The following PSME4 variants were observed in gnomAD, a reference collection of about 807,000 sequenced individuals.
PSME4 encodes proteasome activator complex subunit 4.
PSME4 carries 89 observed loss-of-function variants against 253.9 expected under a neutral mutation model. That is an observed-to-expected ratio of 0.35 (90% confidence interval 0.30 to 0.42). PSME4 has a LOEUF of 0.42. Ranked by LOEUF, PSME4 falls within the 10% of genes least tolerant of loss-of-function variation. The probability of loss-of-function intolerance (pLI) is 1.00; values close to 1 mark genes in which losing one functional copy is unlikely to be tolerated. For synonymous variants in PSME4, 851 were observed against 759.2 expected (o/e 1.12, Z -1.99); for missense variants, 2,014 against 2,195.2 (o/e 0.92, Z 1.65).
intron 10 of PSME4, among the ~76,000 whole-genome samples, chr2:53,930,286 A>G (rs1668763787): frequency 6.6e-6 from 1 of 152,150 alleles, no homozygotes; most frequent in Non-Finnish European, 1.5e-5. Flanking sequence ...TTAGCTCACT[A>G]TTCATAATTA....
chr2:53,928,489 A>G (rs1311259604), intron 10 of PSME4, among the ~76,000 whole-genome samples, 186 bp from the exon 11 acceptor site: 1 of 150,946 alleles, frequency 6.6e-6, no homozygotes, highest in African/African-American at 2.4e-5. Context: ...TAGTTTCCGT[A>G]GTTTCAGTTA....
intron 2 of PSME4, 39 bp from the exon 3 acceptor site, chr2:53,948,576 T>G: frequency 1.7e-6 from 2 of 1,154,580 alleles, no homozygotes; most frequent in Non-Finnish European, 2.6e-6. Context: ...TGTATGCATA[T>G]GTGCACAGAT....
At position 53,899,907 on chromosome 2, in the gene PSME4, T is replaced by G; in HGVS notation, c.3396A>C (p.Gln1132His). The change falls in exon 29 of 47, where the codon CAA becomes CAC. Residue 1132 changes from glutamine (Q) to histidine (H), a missense_variant. This residue lies in a region of PSME4 where 989 missense variants were observed against 1,021.1 expected (regional missense o/e 0.97). Coordinates refer to ENST00000404125, the MANE Select transcript of PSME4 (RefSeq NM_014614.3). ...TTAGGGCATCGGCATTCTTTTCCTG[T>G]TGGCGTTTAATTCCTTCCTTAATTT... ...PEKIKEGIKR[Q>H]QEKNADALRN... The G allele has an allele frequency of 6.2e-7, 1 of 1,613,638 alleles. No homozygotes were observed. The highest frequency in any genetic ancestry group is 8.5e-7 in the Non-Finnish European group (1 of 1,179,610).
chr2:53,877,551 G>T (rs1558646055), intron 41 of PSME4, among the ~76,000 whole-genome samples: 1 of 152,200 alleles, frequency 6.6e-6, no homozygotes, highest in Non-Finnish European at 1.5e-5. Context: ...TTAAGGAAAA[G>T]TTTATTCAGC....
At chr2:53,897,167 G>GTTTTTTT (rs1056577962) in intron 31 of PSME4, among the ~76,000 whole-genome samples, 1 of 122,196 alleles carries the variant, frequency 8.2e-6, no homozygotes, top group Non-Finnish European at 1.7e-5. Context: ...TAGCCTCAGG[G>GTTTTTTT]TTTTTTTTTT....
At chr2:53,940,396 G>T (rs935365987) in intron 3 of PSME4, among the ~76,000 whole-genome samples, 6 of 152,018 alleles carry the variant, frequency 3.9e-5, no homozygotes, top group African/African-American at 1.4e-4. Flanking sequence ...CAAAATCTGG[G>T]TGTTTCCATC....
intron 36 of PSME4, among the ~76,000 whole-genome samples, 170 bp downstream of exon 36, chr2:53,892,638 G>T (rs1169702139): frequency 6.6e-6 from 1 of 152,000 alleles, no homozygotes; most frequent in Non-Finnish European, 1.5e-5. Context: ...TGTTCCTAGA[G>T]ACCATTAGGC....
At chr2:53,922,410 C>T in intron 17 of PSME4, 107 bp downstream of exon 17, 1 of 1,193,232 alleles carries the variant, frequency 8.4e-7, no homozygotes, top group Non-Finnish European at 1.2e-6. Context: ...ATTTCCAAAA[C>T]TCTGACTTTT....
chr2:53,932,968 C>T (rs1271186395), intron 8 of PSME4: 3 of 502,590 alleles, frequency 6.0e-6, no homozygotes, highest in African/African-American at 1.9e-5. Flanking sequence ...CAAATAAGGG[C>T]AGCTTACTTG....
chr2:53,887,746 G>C, intron 39 of PSME4, 112 bp downstream of exon 39: 1 of 1,284,654 alleles, frequency 7.8e-7, no homozygotes, highest in Non-Finnish European at 1.1e-6. Flanking sequence ...ATTTGAGAAA[G>C]ACACCATGAA....
At chr2:53,943,393 C>A (rs1200833266) in intron 3 of PSME4, among the ~76,000 whole-genome samples, 3 of 152,194 alleles carry the variant, frequency 2.0e-5, no homozygotes, top group Admixed American at 2.0e-4. Flanking sequence ...GCCTTCTCTA[C>A]ACCCAAACAA....
rs1057022762 is a variant in PSME4 at position 53,881,019 on chromosome 2, A to G, written c.4815+4671T>C. On this transcript the variant is annotated intron_variant, in intron 41 of 46. Coordinates refer to ENST00000404125, the MANE Select transcript of PSME4 (RefSeq NM_014614.3). ...CATTACGAAAAAAATGTGTCTTTCT[A>G]ATGAAATTAAGACACAATACTCTCA... Among the ~76,000 whole-genome samples the G allele has an allele frequency of 2.6e-5, 4 of 152,224 alleles. No homozygotes were observed. In the East Asian group the frequency reaches 7.7e-4, roughly 29 times the overall value.
chr2:53,874,286 T>C lies in PSME4; in HGVS notation c.5100+53A>G, dbSNP rs535033151. ...CAAATACTTATTAAAAAGGGAACCATGATGGTTTCTTTAAATTGACTGAAT... is the reference window on the plus strand; with the variant it reads ...CAAATACTTATTAAAAAGGGAACCACGATGGTTTCTTTAAATTGACTGAAT... On this transcript the variant is annotated intron_variant, in intron 43 of 46. Coordinates refer to ENST00000404125, the MANE Select transcript of PSME4 (RefSeq NM_014614.3). 2.7e-5 allele frequency: 42 copies of C among 1,534,748 alleles called. No individual in the cohort carries two copies. The Admixed American group carries it at 3.5e-4, about 13-fold the overall frequency.
rs1490912314 is a variant in PSME4 at position 53,906,586 on chromosome 2, G to A, written c.2943+12C>T. Reference sequence around the variant, plus strand: ...GGAGGGCATGAGAGTGCAGCGTTTGGATAAGCCTTACCTGACTGTATGAAC... The same window carrying A: ...GGAGGGCATGAGAGTGCAGCGTTTGAATAAGCCTTACCTGACTGTATGAAC... On this transcript the variant is annotated intron_variant, in intron 26 of 46. Transcript: ENST00000404125. 3.2e-6 allele frequency: 5 copies of A among 1,542,534 alleles called. No homozygotes were observed. Among genetic ancestry groups the A allele is most frequent in the African/African-American group, 1.4e-5 (1 of 72,128 alleles).
At chr2:53,913,025 C>T (rs1667896920) in intron 20 of PSME4, among the ~76,000 whole-genome samples, 1 of 152,142 alleles carries the variant, frequency 6.6e-6, no homozygotes, top group Non-Finnish European at 1.5e-5. Context: ...CCATCACTAC[C>T]TCTCCCTTCC....
At chr2:53,958,177 C>T (rs1311598193) in intron 1 of PSME4, among the ~76,000 whole-genome samples, 2 of 134,590 alleles carry the variant, frequency 1.5e-5, no homozygotes, top group African/African-American at 2.8e-5. Flanking sequence ...CAGAGAAAGA[C>T]TCTGTCAAAA....
intron 43 of PSME4, 70 bp from the exon 44 acceptor site, chr2:53,869,608 G>A: frequency 2.3e-6 from 3 of 1,288,446 alleles, no homozygotes; most frequent in African/African-American, 1.5e-5. Flanking sequence ...ATAGGGGGTA[G>A]TGTGGGAACT....
intron 3 of PSME4, among the ~76,000 whole-genome samples, chr2:53,940,976 T>TATATATACATATTTAA (rs1669415915): frequency 3.6e-5 from 2 of 55,730 alleles, no homozygotes; most frequent in African/African-American, 4.7e-5. Context: ...TATATATATA[T>TATATATACATATTTAA]ATATATATAT....
At chr2:53,890,771 T>C (rs1679868905) in intron 36 of PSME4, among the ~76,000 whole-genome samples, 1 of 152,052 alleles carries the variant, frequency 6.6e-6, no homozygotes, top group African/African-American at 2.4e-5. Context: ...CTCCTGCCTG[T>C]AATCCGAGAA....
Sources: gnomAD v4.1 joint callset for allele counts (sites outside exome capture counted in the v4.1 genomes callset) on GRCh38, gnomAD v4.1.1 for gene constraint, gnomAD v4.1.1 regional missense constraint, MANE v1.5 for transcripts, NCBI Gene and HGNC (gene_info 2026-07-23, HGNC 2026-07-21) for gene names.